SNORD118: variants seen among roughly 807,000 people sequenced by gnomAD.
SNORD118 encodes the protein small nucleolar RNA, C/D box 118.
rs1224772399 is a variant in SNORD118, at chr17:8,173,578, C to CACCTGACGATACAGACA, written n.9_10insTGTCTGTATCGTCAGGT. ...GAGGAGGAACAGGTAAGGATTATCC[C>CACCTGACGATACAGACA]ACCTGACGATACAGACAAACAGCCG... On this transcript the variant is annotated non_coding_transcript_exon_variant, in exon 1 of 1. Transcript: ENST00000363593. 3.9e-6 allele frequency: 3 copies of CACCTGACGATACAGACA among 764,408 alleles called. No individual in the cohort carries two copies. The African/African-American group carries it at 5.1e-5, about 13-fold the overall frequency. 47.4% of individuals were successfully genotyped at this position (764,408 alleles called of 1,614,324 possible). A position where few individuals can be genotyped will look rare whatever the true frequency, so the allele number is the denominator to read the frequency against.
exon 1 of SNORD118, chr17:8,173,492 A>T (rs748365395): frequency 7.8e-6 from 6 of 765,216 alleles, no homozygotes; most frequent in Admixed American, 5.1e-5. Flanking sequence ...AGTCCTGATT[A>T]CGCAGAGACG....
exon 1 of SNORD118, chr17:8,173,561 A>C (rs764953239): frequency 2.9e-5 from 22 of 765,270 alleles, no homozygotes; most frequent in East Asian, 4.8e-5. Context: ...CGGAGGAGGA[A>C]CAGGTAAGGA....
exon 1 of SNORD118, chr17:8,173,483 G>T (rs141568482): frequency 2.6e-5 from 20 of 764,858 alleles, no homozygotes; most frequent in Admixed American, 5.1e-5. Flanking sequence ...GGTGTTGCAA[G>T]TCCTGATTAC....
At chr17:8,173,551 C>CGGA (rs1555525628) in exon 1 of SNORD118, 2 of 765,024 alleles carry the variant, frequency 2.6e-6, no homozygotes, top group Admixed American at 3.4e-5. Context: ...ATCTGCCCTC[C>CGGA]GGAGGAGGAA....
chr17:8,173,557 A>AT, exon 1 of SNORD118: 1 of 765,404 alleles, frequency 1.3e-6, no homozygotes, highest in Non-Finnish European at 2.4e-6. Flanking sequence ...CCTCCGGAGG[A>AT]GGAACAGGTA....
exon 1 of SNORD118, chr17:8,173,521 T>G (rs189731051): frequency 2.9e-5 from 22 of 765,228 alleles, no homozygotes; most frequent in Non-Finnish European, 4.5e-5. Flanking sequence ...GTTTCATGCA[T>G]CTCCAATCAT....
At chr17:8,173,574 A>G (rs763930415) in exon 1 of SNORD118, 7 of 764,898 alleles carry the variant, frequency 9.2e-6, no homozygotes, top group South Asian at 5.4e-5. Context: ...GGTAAGGATT[A>G]TCCCACCTGA....
rs146107438 is a variant in SNORD118 at position 8,173,550 on chromosome 17, C to CA, written n.37_38insT. ...CAATCATCATGTTCTAATCTGCCCT[C>CA]CGGAGGAGGAACAGGTAAGGATTAT... On this transcript the variant is annotated non_coding_transcript_exon_variant, in exon 1 of 1. Coordinates refer to ENST00000363593, the Ensembl canonical transcript of SNORD118. 413 of 765,356 alleles carry CA rather than the reference C, an allele frequency of 5.4e-4. 1 individual carries two copies. Among genetic ancestry groups the CA allele is most frequent in the Non-Finnish European group, 8.6e-4 (358 of 417,990 alleles). The allele number at this position is 765,356 out of a possible 1,614,324, so 47.4% of individuals were successfully genotyped here.
Position 8,173,580 on chromosome 17 carries a change from C to G in SNORD118, n.8G>C, listed in dbSNP as rs76749993. ...GGAGGAACAGGTAAGGATTATCCCA[C>G]CTGACGATACAGACAAACAGCCGAC... On this transcript the variant is annotated non_coding_transcript_exon_variant, in exon 1 of 1. Transcript: ENST00000363593. The G allele has an allele frequency of 5.1e-5, 39 of 764,168 alleles. No individual in the cohort carries two copies. In the Middle Eastern group the frequency reaches 1.1e-3, roughly 22 times the overall value. The allele number at this position is 764,168 out of a possible 1,614,324, so 47.3% of individuals were successfully genotyped here. A position where few individuals can be genotyped will look rare whatever the true frequency, so the allele number is the denominator to read the frequency against.
chr17:8,173,459 A>ATAG, exon 1 of SNORD118: 1 of 764,096 alleles, frequency 1.3e-6, no homozygotes, highest in Admixed American at 1.7e-5. Flanking sequence ...AAAGAATCAG[A>ATAG]CAGGAGCAAT....
rs551698259 is a variant in SNORD118 at position 8,173,523 on chromosome 17, T to G, written n.65A>C. 14 of 765,376 alleles carry G rather than the reference T, an allele frequency of 1.8e-5. No homozygotes were observed. Among genetic ancestry groups the G allele is most frequent in the Admixed American group, 1.0e-4 (6 of 59,020 alleles). The allele number at this position is 765,376 out of a possible 1,614,324, so 47.4% of individuals were successfully genotyped here. A position where few individuals can be genotyped will look rare whatever the true frequency, so the allele number is the denominator to read the frequency against. On this transcript the variant is annotated non_coding_transcript_exon_variant, in exon 1 of 1. Coordinates refer to ENST00000363593, the Ensembl canonical transcript of SNORD118. ...AGACGTTAATCACGTTTCATGCATC[T>G]CCAATCATCATGTTCTAATCTGCCC...
rs1400162090 is a variant in SNORD118, at chr17:8,173,514, T to C, written n.74A>G. ...ATTACGCAGAGACGTTAATCACGTTTCATGCATCTCCAATCATCATGTTCT... is the reference window on the plus strand; with the variant it reads ...ATTACGCAGAGACGTTAATCACGTTCCATGCATCTCCAATCATCATGTTCT... On this transcript the variant is annotated non_coding_transcript_exon_variant, in exon 1 of 1. Transcript: ENST00000363593. 12 of 765,268 alleles carry C rather than the reference T, an allele frequency of 1.6e-5. No individual in the cohort carries two copies. Among genetic ancestry groups the C allele is most frequent in the South Asian group, 2.7e-5 (2 of 74,622 alleles). 47.4% of individuals were successfully genotyped at this position (765,268 alleles called of 1,614,324 possible). A position where few individuals can be genotyped will look rare whatever the true frequency, so the allele number is the denominator to read the frequency against.
At chr17:8,173,531 T>A (rs755495846) in exon 1 of SNORD118, 6 of 765,312 alleles carry the variant, frequency 7.8e-6, no homozygotes, top group African/African-American at 1.7e-5. Context: ...TCTCCAATCA[T>A]CATGTTCTAA....
At chr17:8,173,538 C>A (rs375272334) in exon 1 of SNORD118, 1 of 765,362 alleles carries the variant, frequency 1.3e-6, no homozygotes, top group Non-Finnish European at 2.4e-6. Context: ...TCATCATGTT[C>A]TAATCTGCCC....
chr17:8,173,551 C>CGAAGGA (rs1555525627), exon 1 of SNORD118: 6 of 765,142 alleles, frequency 7.8e-6, no homozygotes, highest in Non-Finnish European at 1.4e-5. Flanking sequence ...ATCTGCCCTC[C>CGAAGGA]GGAGGAGGAA....
In SNORD118 at chr17:8,173,531, T is replaced by C. The variant is rs755495846; in HGVS notation, n.57A>G. Reference sequence around the variant, plus strand: ...ATCACGTTTCATGCATCTCCAATCATCATGTTCTAATCTGCCCTCCGGAGG... The same window carrying C: ...ATCACGTTTCATGCATCTCCAATCACCATGTTCTAATCTGCCCTCCGGAGG... On this transcript the variant is annotated non_coding_transcript_exon_variant, in exon 1 of 1. Coordinates refer to ENST00000363593, the Ensembl canonical transcript of SNORD118. 2.4e-5 allele frequency: 18 copies of C among 765,312 alleles called. No individual in the cohort carries two copies. Among genetic ancestry groups the C allele is most frequent in the South Asian group, 5.4e-5 (4 of 74,614 alleles). 47.4% of individuals were successfully genotyped at this position (765,312 alleles called of 1,614,324 possible).
In SNORD118 at chr17:8,173,460, C is replaced by T. The variant is rs9894790; in HGVS notation, n.128G>A. On this transcript the variant is annotated non_coding_transcript_exon_variant, in exon 1 of 1. Coordinates refer to ENST00000363593, the Ensembl canonical transcript of SNORD118. ...TAAGTGATCGTCAGAAAGAATCAGA[C>T]AGGAGCAATCAGGGTGTTGCAAGTC... 0.67 allele frequency: 512,094 copies of T among 762,934 alleles called. 173,740 individuals are homozygous for T. Among genetic ancestry groups the T allele is most frequent in the Admixed American group, 0.72 (42,157 of 58,854 alleles). 47.3% of individuals were successfully genotyped at this position (762,934 alleles called of 1,614,324 possible).
exon 1 of SNORD118, chr17:8,173,529 C>T (rs780396107): frequency 2.1e-5 from 16 of 765,272 alleles, no homozygotes; most frequent in African/African-American, 3.4e-5. Context: ...CATCTCCAAT[C>T]ATCATGTTCT....
Position 8,173,539 on chromosome 17 carries a change from T to TG in SNORD118, n.48_49insC, listed in dbSNP as rs763286690. The TG allele has an allele frequency of 1.8e-3, 1,415 of 765,440 alleles. 4 individuals carry two copies. Among genetic ancestry groups the TG allele is most frequent in the Non-Finnish European group, 2.9e-3 (1,219 of 418,006 alleles). The allele number at this position is 765,440 out of a possible 1,614,324, so 47.4% of individuals were successfully genotyped here. On this transcript the variant is annotated non_coding_transcript_exon_variant, in exon 1 of 1. Coordinates refer to ENST00000363593, the Ensembl canonical transcript of SNORD118. Reference sequence around the variant, plus strand: ...TCATGCATCTCCAATCATCATGTTCTAATCTGCCCTCCGGAGGAGGAACAG... The same window carrying TG: ...TCATGCATCTCCAATCATCATGTTCTGAATCTGCCCTCCGGAGGAGGAACAG...
Sources: allele counts gnomAD v4.1 joint callset, GRCh38; gene constraint gnomAD v4.1.1; transcripts MANE v1.5; gene names NCBI Gene and HGNC (gene_info 2026-07-23, HGNC 2026-07-21).